Variants in CSMD1 observed in about 807,000 individuals in gnomAD.
CSMD1 encodes CUB and Sushi multiple domains 1, also known as CUB and sushi domain-containing protein 1.
CSMD1 carries 213 observed loss-of-function variants against 417.5 expected under a neutral mutation model. The observed-to-expected ratio is 0.51, with a 90% CI of 0.46 to 0.57. The LOEUF (loss-of-function observed/expected upper bound fraction) is 0.57, where lower values mean the gene tolerates loss of function less well. Ranked by LOEUF, CSMD1 falls within the 20% of genes least tolerant of loss-of-function variation. The pLI is 0.00. For missense variants in CSMD1, 6,923 were observed against 4,529.7 expected (o/e 1.53, Z -15.17); for synonymous variants, 2,862 against 1,736.8 (o/e 1.65, Z -16.11).
intron 1 of CSMD1, among the ~76,000 whole-genome samples, chr8:4,756,767 T>A (rs1811693900): frequency 6.6e-6 from 1 of 152,106 alleles, no homozygotes; most frequent in Admixed American, 6.6e-5. Context: ...TTCCTGGGAG[T>A]CATCTTGGGC....
At position 4,249,787 on chromosome 8, in the gene CSMD1, T is replaced by G. The variant is rs148701200; in HGVS notation, c.415+170166A>C. On this transcript the variant is annotated intron_variant, in intron 3 of 69. Transcript: ENST00000635120. Reference sequence around the variant, plus strand: ...GGAATTAATGGGGCACTTGGGGAAATGAAGAACACAGTGTCAGTTTAGAAA... The same window carrying G: ...GGAATTAATGGGGCACTTGGGGAAAGGAAGAACACAGTGTCAGTTTAGAAA... Among the ~76,000 whole-genome samples, 6 of 152,008 alleles carry G rather than the reference T, an allele frequency of 3.9e-5. No individual in the cohort carries two copies. In the East Asian group the frequency reaches 1.2e-3, roughly 30 times the overall value.
At chr8:3,717,135 C>T (rs904253242) in intron 6 of CSMD1, among the ~76,000 whole-genome samples, 4 of 152,098 alleles carry the variant, frequency 2.6e-5, no homozygotes, top group African/African-American at 9.7e-5. Flanking sequence ...TGACTTTAAC[C>T]ACACCTTACA....
intron 11 of CSMD1, among the ~76,000 whole-genome samples, chr8:3,491,851 G>T (rs771361981): frequency 6.6e-6 from 1 of 152,180 alleles, no homozygotes; most frequent in Admixed American, 6.5e-5. Flanking sequence ...CCACCCGGCG[G>T]GTACCCCGAG....
chr8:4,116,397 G>GA (rs1250543956), intron 3 of CSMD1, among the ~76,000 whole-genome samples: 1 of 151,818 alleles, frequency 6.6e-6, no homozygotes, highest in African/African-American at 2.4e-5. Context: ...ACCACACCAT[G>GA]AATGAACCCT....
chr8:4,190,081 AC>A (rs1242358234), intron 3 of CSMD1, among the ~76,000 whole-genome samples: 4 of 151,722 alleles, frequency 2.6e-5, no homozygotes, highest in African/African-American at 9.7e-5. Flanking sequence ...ACATGGTGAA[AC>A]CCCATCTCTA....
At chr8:4,399,584 C>T (rs1180448731) in intron 3 of CSMD1, among the ~76,000 whole-genome samples, 1 of 152,082 alleles carries the variant, frequency 6.6e-6, no homozygotes, top group South Asian at 2.1e-4. Flanking sequence ...CTTTATACCA[C>T]CCCTGGATCT....
At chr8:3,090,023 C>CT (rs1343076687) in intron 48 of CSMD1, among the ~76,000 whole-genome samples, 2 of 152,148 alleles carry the variant, frequency 1.3e-5, no homozygotes, top group African/African-American at 2.4e-5. Context: ...CTTTAAGAGT[C>CT]TGACTATCGG....
intron 2 of CSMD1, among the ~76,000 whole-genome samples, chr8:4,443,777 C>T (rs1283495574): frequency 6.6e-6 from 1 of 152,160 alleles, no homozygotes; most frequent in African/African-American, 2.4e-5. Flanking sequence ...TCTATCTCTA[C>T]CAAGTGTGAT....
chr8:3,987,058 A>T (rs1052348371), intron 5 of CSMD1, among the ~76,000 whole-genome samples: 4 of 152,192 alleles, frequency 2.6e-5, no homozygotes, highest in Non-Finnish European at 4.4e-5. Context: ...TCCATCCAAA[A>T]TGTTAAAGTG....
intron 5 of CSMD1, among the ~76,000 whole-genome samples, chr8:3,954,055 T>A (rs975875427): frequency 3.3e-5 from 5 of 152,110 alleles, no homozygotes; most frequent in Admixed American, 6.5e-5. Context: ...TGGGAGCTCC[T>A]GTCCCCGGGA....
rs1318006469 is a variant in CSMD1 at position 3,359,352 on chromosome 8, A to C, written c.3116-12T>G. On this transcript the variant is annotated splice_polypyrimidine_tract_variant and intron_variant, in intron 20 of 69. Coordinates refer to ENST00000635120, the MANE Select transcript of CSMD1 (RefSeq NM_033225.6). The stretch of plus-strand genomic sequence containing the variant: ...CTCCAGGTCATATTCTGAGGCATGC[A>C]GAGACAGAGTAAATGCATGAGGATT... The C allele has an allele frequency of 3.7e-6, 6 of 1,610,350 alleles. No individual in the cohort carries two copies. Among genetic ancestry groups the C allele is most frequent in the Non-Finnish European group, 1.7e-6 (2 of 1,177,078 alleles).
At chr8:3,113,583 C>CT (rs1816668649) in intron 42 of CSMD1, among the ~76,000 whole-genome samples, 1 of 152,240 alleles carries the variant, frequency 6.6e-6, no homozygotes, top group Non-Finnish European at 1.5e-5. Flanking sequence ...CCCAGGTACC[C>CT]TGGCGCCACT....
intron 1 of CSMD1, among the ~76,000 whole-genome samples, chr8:4,909,330 C>A (rs1805507882): frequency 6.6e-6 from 1 of 152,112 alleles, no homozygotes; most frequent in African/African-American, 2.4e-5. Flanking sequence ...CCTCCTTTTA[C>A]CTCCTTGCCT....
chr8:3,616,579 C>G, intron 8 of CSMD1, 131 bp downstream of exon 8: 1 of 642,356 alleles, frequency 1.6e-6, no homozygotes, highest in South Asian at 2.0e-5. Context: ...TGATTACACA[C>G]ATTTAGAGTT....
intron 26 of CSMD1, among the ~76,000 whole-genome samples, chr8:3,275,920 C>A (rs1311957315): frequency 6.6e-6 from 1 of 152,194 alleles, no homozygotes; most frequent in African/African-American, 2.4e-5. Flanking sequence ...AAGCCTTCTT[C>A]TCTCAGCTTG....
At chr8:4,380,311 G>A (rs772627150) in intron 3 of CSMD1, among the ~76,000 whole-genome samples, 5 of 152,112 alleles carry the variant, frequency 3.3e-5, no homozygotes, top group Non-Finnish European at 7.3e-5. Context: ...GAGCCACAGT[G>A]ATAGCACACC....
At chr8:2,998,226 G>C in intron 53 of CSMD1, 42 bp from the exon 54 acceptor site, 2 of 1,585,364 alleles carry the variant, frequency 1.3e-6, no homozygotes, top group Middle Eastern at 1.7e-4. Flanking sequence ...ATATTGAACA[G>C]GTCATCACTT....
chr8:4,279,804 G>T (rs367670269), intron 3 of CSMD1, among the ~76,000 whole-genome samples: 5 of 152,196 alleles, frequency 3.3e-5, no homozygotes, highest in African/African-American at 1.2e-4. Context: ...GTTGGATTAT[G>T]TCTTTTTGAT....
At chr8:4,675,885 T>G (rs952396726) in intron 1 of CSMD1, among the ~76,000 whole-genome samples, 1 of 152,298 alleles carries the variant, frequency 6.6e-6, no homozygotes, top group South Asian at 2.1e-4. Context: ...ACAAAAAGTA[T>G]CTAAACTATC....
Sources: gnomAD v4.1 joint callset for allele counts (sites outside exome capture counted in the v4.1 genomes callset) on GRCh38, gnomAD v4.1.1 for gene constraint, MANE v1.5 for transcripts, NCBI Gene and HGNC (gene_info 2026-07-23, HGNC 2026-07-21) for gene names.